Variants in MBD5 observed in about 807,000 individuals in gnomAD.
MBD5 encodes methyl-CpG binding domain protein 5, also known as methyl-CpG-binding domain protein 5.
MBD5 carries 13 observed loss-of-function variants against 117.3 expected under a neutral mutation model. The observed-to-expected ratio is 0.11, with a 90% confidence interval of 0.07 to 0.18. The LOEUF is 0.18. Among genes scored for constraint, MBD5 ranks in the 10% least tolerant of loss-of-function variants. MBD5 has a pLI of 1.00. For missense variants in MBD5, 1,879 were observed against 2,093.8 expected (o/e 0.90, Z 2.00); for synonymous variants, 727 against 766.4 (o/e 0.95, Z 0.85).
chr2:148,023,996 C>G (rs1693835239), intron 1 of MBD5, among the ~76,000 whole-genome samples: 1 of 152,084 alleles, frequency 6.6e-6, no homozygotes. Flanking sequence ...AGAACTTGAA[C>G]TTGCCTGAGG....
At chr2:148,074,627 T>G (rs889533715) in intron 1 of MBD5, among the ~76,000 whole-genome samples, 1 of 151,648 alleles carries the variant, frequency 6.6e-6, no homozygotes, top group African/African-American at 2.4e-5. Context: ...CTCAGCCTCT[T>G]AAATAGCTGG....
At chr2:148,459,179 C>T (rs1404912692) in intron 5 of MBD5, among the ~76,000 whole-genome samples, 2 of 152,112 alleles carry the variant, frequency 1.3e-5, no homozygotes, top group Non-Finnish European at 2.9e-5. Context: ...TATCACTTGA[C>T]CTGATATCAC....
intron 1 of MBD5, among the ~76,000 whole-genome samples, chr2:148,076,566 G>GT (rs1695515837): frequency 6.6e-6 from 1 of 152,104 alleles, no homozygotes; most frequent in Non-Finnish European, 1.5e-5. Flanking sequence ...TTCCAGCTTA[G>GT]AAGTCACACA....
At chr2:148,512,378 A>G (rs1682245999) in intron 13 of MBD5, 1 of 200,608 alleles carries the variant, frequency 5.0e-6, no homozygotes, top group African/African-American at 2.3e-5. Flanking sequence ...GGGCTGAGCT[A>G]TGTGTGCATG....
At chr2:148,261,976 G>T (rs1389669810) in intron 3 of MBD5, among the ~76,000 whole-genome samples, 1 of 152,160 alleles carries the variant, frequency 6.6e-6, no homozygotes, top group Admixed American at 6.5e-5. Flanking sequence ...AACATTTATC[G>T]ATTGAATTTG....
chr2:148,070,531 T>C (rs1695322238), intron 1 of MBD5, among the ~76,000 whole-genome samples: 1 of 152,188 alleles, frequency 6.6e-6, no homozygotes, highest in African/African-American at 2.4e-5. Context: ...GATTACTTAA[T>C]AGAGAAATTG....
intron 1 of MBD5, among the ~76,000 whole-genome samples, chr2:148,069,573 G>A (rs1695297847): frequency 6.6e-6 from 1 of 151,960 alleles, no homozygotes; most frequent in Admixed American, 6.5e-5. Context: ...ACAATGCTGG[G>A]TAATAAGGAG....
At chr2:148,231,421 C>T (rs1015291640) in intron 2 of MBD5, among the ~76,000 whole-genome samples, 2 of 152,188 alleles carry the variant, frequency 1.3e-5, no homozygotes, top group African/African-American at 4.8e-5. Context: ...GCCTCTGCTG[C>T]TGCGGGAGAG....
chr2:148,379,371 G>A (rs1276726970), intron 4 of MBD5, among the ~76,000 whole-genome samples: 2 of 152,006 alleles, frequency 1.3e-5, no homozygotes, highest in Non-Finnish European at 2.9e-5. Flanking sequence ...TCAAAGTGCT[G>A]AGAGAAAATA....
chr2:148,037,911 A>G (rs1354565531), intron 1 of MBD5, among the ~76,000 whole-genome samples: 2 of 152,028 alleles, frequency 1.3e-5, no homozygotes, highest in Non-Finnish European at 2.9e-5. Context: ...GATATACATT[A>G]CAAAAGAACA....
At chr2:148,094,992 A>G (rs1188416181) in intron 1 of MBD5, among the ~76,000 whole-genome samples, 1 of 152,158 alleles carries the variant, frequency 6.6e-6, no homozygotes, top group Non-Finnish European at 1.5e-5. Flanking sequence ...TCCAGCGTAT[A>G]AAAGGCCAGG....
intron 4 of MBD5, among the ~76,000 whole-genome samples, chr2:148,357,903 A>T (rs1347062201): frequency 6.6e-6 from 1 of 151,544 alleles, no homozygotes; most frequent in African/African-American, 2.4e-5. Flanking sequence ...TTTCAGCCCT[A>T]TTTCTCCCTG....
chr2:148,421,859 C>T (rs1363114186), intron 4 of MBD5, among the ~76,000 whole-genome samples: 2 of 152,230 alleles, frequency 1.3e-5, no homozygotes, highest in African/African-American at 4.8e-5. Context: ...AGCAAGGCTG[C>T]TGCGGCCAGA....
intron 1 of MBD5, among the ~76,000 whole-genome samples, chr2:148,152,777 T>A (rs1232640503): frequency 2.0e-5 from 3 of 151,306 alleles, no homozygotes; most frequent in Non-Finnish European, 1.5e-5. Flanking sequence ...CCTTTTTTTG[T>A]TTTCCATTTG....
chr2:148,199,050 A>G (rs995118856), intron 2 of MBD5, among the ~76,000 whole-genome samples: 2 of 152,158 alleles, frequency 1.3e-5, no homozygotes, highest in Admixed American at 1.3e-4. Flanking sequence ...ATTTCAAGAT[A>G]TTGGCTTAAG....
chr2:148,173,771 T>A (rs567115045), intron 1 of MBD5, among the ~76,000 whole-genome samples: 1 of 152,218 alleles, frequency 6.6e-6, no homozygotes, highest in African/African-American at 2.4e-5. Context: ...ACTAAAACAT[T>A]GATGAAAGAA....
intron 4 of MBD5, among the ~76,000 whole-genome samples, chr2:148,389,322 C>G (rs1265050184): frequency 8.4e-6 from 1 of 119,634 alleles, no homozygotes; most frequent in African/African-American, 3.1e-5. Context: ...CTTTATCCAA[C>G]CCAACCCAGC....
intron 4 of MBD5, among the ~76,000 whole-genome samples, chr2:148,411,938 G>A (rs551626731): frequency 1.3e-5 from 2 of 152,058 alleles, no homozygotes; most frequent in South Asian, 2.1e-4. Context: ...TGTCTAGAAC[G>A]ATATTTCCAA....
intron 4 of MBD5, among the ~76,000 whole-genome samples, chr2:148,348,534 A>G (rs1235801585): frequency 6.6e-6 from 1 of 152,072 alleles, no homozygotes; most frequent in Non-Finnish European, 1.5e-5. Flanking sequence ...AATTGCTGCT[A>G]CATAAATTAT....
Sources: gnomAD v4.1 joint callset for allele counts (sites outside exome capture counted in the v4.1 genomes callset) on GRCh38, gnomAD v4.1.1 for gene constraint, MANE v1.5 for transcripts, NCBI Gene and HGNC (gene_info 2026-07-23, HGNC 2026-07-21) for gene names.